KDM4C: variants seen among roughly 807,000 people sequenced by gnomAD.
KDM4C encodes lysine-specific demethylase 4C.
Under a neutral mutation model 129.3 loss-of-function variants are expected in KDM4C, and 81 were observed. That is an observed-to-expected ratio of 0.63 (90% CI 0.52 to 0.75). The LOEUF is 0.75. Among genes scored for constraint, KDM4C ranks in the 30% least tolerant of loss-of-function variants. The pLI is 0.00. For missense variants in KDM4C, 1,457 were observed against 1,304.0 expected (o/e 1.12, Z -1.81); for synonymous variants, 573 against 456.1 (o/e 1.26, Z -3.26).
rs937195156 is a variant in KDM4C, at chr9:7,164,620, G to C, written c.2782-618G>C. On this transcript the variant is annotated intron_variant, in intron 19 of 21. Coordinates refer to ENST00000381309, the MANE Select transcript of KDM4C (RefSeq NM_015061.6). ...CAGCTCCACCCGCCGTGCTGCAGGT[G>C]CTCCTGTTTTCCCTTCTCTGCTTTA... Among the ~76,000 whole-genome samples, 40 of 152,264 alleles carry C rather than the reference G, an allele frequency of 2.6e-4. 1 individual carries two copies. The highest frequency in any genetic ancestry group is 8.9e-4 in the African/African-American group (37 of 41,532).
chr9:7,103,601 C>G (rs1382621414), intron 17 of KDM4C, 84 bp from the exon 18 acceptor site: 56 of 690,910 alleles, frequency 8.1e-5, no homozygotes, highest in Non-Finnish European at 5.5e-5. Context: ...TTTTTCTTCT[C>G]TAGTAGCTAT....
intron 19 of KDM4C, among the ~76,000 whole-genome samples, chr9:7,163,885 T>C (rs1424939985): frequency 1.3e-5 from 2 of 152,210 alleles, no homozygotes; most frequent in Admixed American, 1.3e-4. Context: ...ACTATTTTTT[T>C]CTTTGCTTTA....
chr9:6,971,159 C>A (rs116232577), intron 8 of KDM4C, among the ~76,000 whole-genome samples: 1 of 152,060 alleles, frequency 6.6e-6, no homozygotes, highest in Non-Finnish European at 1.5e-5. Context: ...TCTTATTACA[C>A]ATATAGATGA....
chr9:6,967,559 A>G (rs1589371661), intron 8 of KDM4C, among the ~76,000 whole-genome samples: 1 of 152,314 alleles, frequency 6.6e-6, no homozygotes, highest in East Asian at 1.9e-4. Context: ...AGGCTGTGAA[A>G]TTGTTGGAAG....
intron 8 of KDM4C, among the ~76,000 whole-genome samples, chr9:6,940,238 G>T (rs1260902698): frequency 6.6e-6 from 1 of 152,106 alleles, no homozygotes; most frequent in Admixed American, 6.5e-5. Flanking sequence ...CTACAGGCAT[G>T]TGCCATCATG....
chr9:6,741,979 A>T lies in KDM4C; in HGVS notation c.49+20982A>T, dbSNP rs538747983. Reference sequence around the variant, plus strand: ...AATAAAATGTTTTTATTTATTTATTAATTTTTTTTTGGAGACGGAGTCTTG... The same window carrying T: ...AATAAAATGTTTTTATTTATTTATTTATTTTTTTTTGGAGACGGAGTCTTG... On this transcript the variant is annotated intron_variant, in intron 1 of 17. Transcript: ENST00000536108. 1.2e-3 allele frequency among the ~76,000 whole-genome samples: 180 copies of T among 150,620 alleles called. 1 individual carries two copies. Among genetic ancestry groups the T allele is most frequent in the Non-Finnish European group, 2.1e-3 (140 of 67,650 alleles).
At chr9:6,906,997 A>G (rs1258440296) in intron 8 of KDM4C, among the ~76,000 whole-genome samples, 1 of 152,222 alleles carries the variant, frequency 6.6e-6, no homozygotes, top group African/African-American at 2.4e-5. Context: ...CTATTCTCGT[A>G]ACCAGTTTTA....
chr9:6,999,239 T>A (rs1386696116), intron 12 of KDM4C, among the ~76,000 whole-genome samples: 1 of 152,228 alleles, frequency 6.6e-6, no homozygotes, highest in Non-Finnish European at 1.5e-5. Context: ...TGATGTAGAT[T>A]TGCCAGTCTT....
chr9:6,728,254 G>C (rs898815405), intron 1 of KDM4C, among the ~76,000 whole-genome samples: 2 of 152,310 alleles, frequency 1.3e-5, no homozygotes, highest in South Asian at 4.1e-4. Context: ...AAGTATTCTT[G>C]GCCGGATGTG....
At chr9:6,789,260 G>T (rs2130841226) in intron 1 of KDM4C, among the ~76,000 whole-genome samples, 1 of 117,894 alleles carries the variant, frequency 8.5e-6, no homozygotes, top group Admixed American at 1.1e-4. Context: ...TGCTCTTGTT[G>T]CCCAGGCTGG....
At chr9:6,784,348 C>G (rs953403332) in intron 1 of KDM4C, among the ~76,000 whole-genome samples, 1 of 152,148 alleles carries the variant, frequency 6.6e-6, no homozygotes, top group African/African-American at 2.4e-5. Context: ...CCTGCCTCAG[C>G]CTCCCAAGTA....
intron 17 of KDM4C, among the ~76,000 whole-genome samples, chr9:7,084,665 C>A (rs1422134418): frequency 3.3e-5 from 5 of 152,202 alleles, no homozygotes; most frequent in African/African-American, 1.2e-4. Flanking sequence ...CTCTGTGGCT[C>A]AGTTTCTTCA....
intron 6 of KDM4C, among the ~76,000 whole-genome samples, chr9:6,887,409 G>T (rs551227242): frequency 6.6e-6 from 1 of 152,332 alleles, no homozygotes; most frequent in East Asian, 1.9e-4. Flanking sequence ...CAGGTTCTCA[G>T]ACAGTTGATG....
intron 19 of KDM4C, among the ~76,000 whole-genome samples, chr9:7,138,249 A>G (rs926797341): frequency 6.6e-6 from 1 of 152,190 alleles, no homozygotes; most frequent in African/African-American, 2.4e-5. Flanking sequence ...ATTGCCTGCT[A>G]TAATGCTTGT....
intron 3 of KDM4C, among the ~76,000 whole-genome samples, chr9:6,806,498 A>AAAT (rs1829987455): frequency 2.0e-5 from 3 of 146,690 alleles, no homozygotes; most frequent in Non-Finnish European, 4.5e-5. Flanking sequence ...CCGTCTCGAA[A>AAAT]AAATAAATAA....
chr9:7,019,586 A>C (rs1284002236), intron 15 of KDM4C, among the ~76,000 whole-genome samples: 1 of 151,246 alleles, frequency 6.6e-6, no homozygotes, highest in African/African-American at 2.4e-5. Context: ...TTTCATGGTA[A>C]GTGCTTTTCA....
intron 19 of KDM4C, among the ~76,000 whole-genome samples, chr9:7,141,945 T>C (rs1458952183): frequency 6.6e-6 from 1 of 152,156 alleles, no homozygotes; most frequent in Non-Finnish European, 1.5e-5. Flanking sequence ...CACACACACA[T>C]AAACCCCATT....
In KDM4C at chr9:7,041,543, A is replaced by ATT. The variant is rs58264404; in HGVS notation, c.2260-5311_2260-5310dup. Among the ~76,000 whole-genome samples the ATT allele has an allele frequency of 2.6e-4, 39 of 150,944 alleles. No homozygotes were observed. In the South Asian group the frequency reaches 2.7e-3, roughly 11 times the overall value. ...TTTTTTCCTATCTTGATCATAAATG[A>ATT]TTTTTTTTTGCTTTTTATTATATCT... On this transcript the variant is annotated intron_variant, in intron 15 of 21. Transcript: ENST00000381309.
At chr9:6,874,819 C>G (rs935022408) in intron 5 of KDM4C, among the ~76,000 whole-genome samples, 2 of 151,704 alleles carry the variant, frequency 1.3e-5, no homozygotes, top group African/African-American at 4.8e-5. Flanking sequence ...GGCACAGTGG[C>G]CTGTGGTGGC....
Sources: gnomAD v4.1 joint callset for allele counts (sites outside exome capture counted in the v4.1 genomes callset) on GRCh38, gnomAD v4.1.1 for gene constraint, MANE v1.5 for transcripts, NCBI Gene and HGNC (gene_info 2026-07-23, HGNC 2026-07-21) for gene names.